PCCA: variants seen among roughly 807,000 people sequenced by gnomAD.
PCCA encodes propionyl-CoA carboxylase subunit alpha, also known as propionyl-CoA carboxylase alpha chain, mitochondrial.
Under a neutral mutation model 101.3 loss-of-function variants are expected in PCCA, and 74 were observed. The ratio of observed to expected loss-of-function variants is 0.73; its 90% CI spans 0.61 to 0.89. PCCA has a LOEUF of 0.89. Ranked by LOEUF, PCCA falls within the 40% of genes least tolerant of loss-of-function variation. The probability of loss-of-function intolerance (pLI) is 0.00; values close to 1 mark genes in which losing one functional copy is unlikely to be tolerated. For missense variants in PCCA, 891 were observed against 907.0 expected (o/e 0.98, Z 0.23); for synonymous variants, 294 against 313.6 (o/e 0.94, Z 0.66).
At chr13:100,521,603 T>C (rs1404592375) in intron 22 of PCCA, among the ~76,000 whole-genome samples, 2 of 152,240 alleles carry the variant, frequency 1.3e-5, no homozygotes, top group Non-Finnish European at 2.9e-5. Context: ...CAGCCTATCT[T>C]ACCGGCTCAG....
intron 19 of PCCA, among the ~76,000 whole-genome samples, chr13:100,416,695 T>C (rs2078390739): frequency 1.3e-5 from 2 of 151,886 alleles, no homozygotes; most frequent in African/African-American, 2.4e-5. Context: ...CAACTAATTT[T>C]TGTATTTTTA....
chr13:100,164,583 A>G (rs191574521), intron 6 of PCCA, among the ~76,000 whole-genome samples: 1,640 of 152,260 alleles, frequency 0.011, 21 homozygotes, highest in Non-Finnish European at 0.014. Flanking sequence ...AATTCATGTA[A>G]TCAACTTTCA....
At chr13:100,489,628 T>C (rs1412017792) in intron 21 of PCCA, among the ~76,000 whole-genome samples, 2 of 152,240 alleles carry the variant, frequency 1.3e-5, no homozygotes, top group Admixed American at 1.3e-4. Context: ...GTGTTGCAAA[T>C]AACATTGTTA....
intron 4 of PCCA, among the ~76,000 whole-genome samples, chr13:100,114,416 A>G (rs2048601720): frequency 6.6e-6 from 1 of 152,186 alleles, no homozygotes; most frequent in Non-Finnish European, 1.5e-5. Context: ...CAGCCTGGCT[A>G]AGATGGTGAA....
intron 12 of PCCA, among the ~76,000 whole-genome samples, chr13:100,281,170 G>A (rs2064081372): frequency 6.6e-6 from 1 of 152,162 alleles, no homozygotes; most frequent in African/African-American, 2.4e-5. Flanking sequence ...GCCATAAAGT[G>A]CTTCCTTTAA....
intron 6 of PCCA, among the ~76,000 whole-genome samples, chr13:100,172,958 A>G (rs2152417928): frequency 6.6e-6 from 1 of 152,168 alleles, no homozygotes; most frequent in South Asian, 2.1e-4. Context: ...GAGATTATAC[A>G]GCTTGTTGTG....
At chr13:100,275,739 G>A (rs1360817188) in intron 12 of PCCA, among the ~76,000 whole-genome samples, 1 of 151,486 alleles carries the variant, frequency 6.6e-6, no homozygotes, top group African/African-American at 2.4e-5. Context: ...CAAGTTTGGG[G>A]GTTATAAATA....
At chr13:100,288,725 C>T (rs2064892942) in intron 12 of PCCA, among the ~76,000 whole-genome samples, 1 of 152,188 alleles carries the variant, frequency 6.6e-6, no homozygotes, top group African/African-American at 2.4e-5. Flanking sequence ...TCCAAGACAC[C>T]TTTGCATTTC....
At chr13:100,524,998 T>C in intron 22 of PCCA, among the ~76,000 whole-genome samples, 1 of 124,356 alleles carries the variant, frequency 8.0e-6, no homozygotes, top group Non-Finnish European at 1.9e-5. Flanking sequence ...GATAGATAGA[T>C]AGATAGATAG....
chr13:100,162,122 G>T (rs1348525787), intron 6 of PCCA, among the ~76,000 whole-genome samples: 5 of 151,720 alleles, frequency 3.3e-5, no homozygotes, highest in African/African-American at 1.2e-4. Flanking sequence ...CTGTCTGTCT[G>T]CGTGTGCTAG....
intron 17 of PCCA, among the ~76,000 whole-genome samples, chr13:100,331,118 G>T (rs1409223896): frequency 6.6e-6 from 1 of 152,118 alleles, no homozygotes; most frequent in Non-Finnish European, 1.5e-5. Context: ...GGAAGATGAT[G>T]ATTTTATTCT....
intron 12 of PCCA, among the ~76,000 whole-genome samples, chr13:100,298,306 C>T (rs2065717628): frequency 6.6e-6 from 1 of 152,116 alleles, no homozygotes; most frequent in East Asian, 1.9e-4. Context: ...GCGCAAGGCC[C>T]TTCTCTAGGA....
intron 19 of PCCA, among the ~76,000 whole-genome samples, chr13:100,399,850 G>T (rs775894277): frequency 5.6e-4 from 85 of 152,262 alleles, no homozygotes; most frequent in Middle Eastern, 6.8e-3. Flanking sequence ...ACAGCTATCT[G>T]CTCTGTTGCC....
chr13:100,441,948 TTC>T (rs1244519209), intron 20 of PCCA, among the ~76,000 whole-genome samples: 1 of 152,046 alleles, frequency 6.6e-6, no homozygotes, highest in African/African-American at 2.4e-5. Context: ...GAAATTTTAT[TTC>T]TGTTTTTCTT....
intron 19 of PCCA, among the ~76,000 whole-genome samples, chr13:100,396,399 TG>T (rs1469418940): frequency 1.3e-5 from 2 of 152,234 alleles, no homozygotes; most frequent in African/African-American, 4.8e-5. Flanking sequence ...GTACAGTGGC[TG>T]ATGTAATAAG....
chr13:100,154,561 C>T (rs2053678209), intron 4 of PCCA: 2 of 276,294 alleles, frequency 7.2e-6, no homozygotes. Context: ...TCCATTCAGT[C>T]CCTCTAATTA....
chr13:100,282,541 C>T (rs2064216688), intron 12 of PCCA, among the ~76,000 whole-genome samples: 1 of 152,230 alleles, frequency 6.6e-6, no homozygotes, highest in Admixed American at 6.5e-5. Context: ...ACACTCAGAG[C>T]AGCCGGGCAA....
intron 19 of PCCA, among the ~76,000 whole-genome samples, chr13:100,412,060 G>A (rs555286705): frequency 6.6e-6 from 1 of 152,152 alleles, no homozygotes; most frequent in Non-Finnish European, 1.5e-5. Context: ...ACATTATTAG[G>A]GCTATTAGAA....
intron 21 of PCCA, among the ~76,000 whole-genome samples, chr13:100,503,530 G>A (rs1030898676): frequency 2.0e-5 from 3 of 151,974 alleles, no homozygotes; most frequent in African/African-American, 7.3e-5. Context: ...AGTTTTTTCT[G>A]TATTAAACAT....
Sources: allele counts gnomAD v4.1 joint callset (sites outside exome capture counted in the v4.1 genomes callset), GRCh38; gene constraint gnomAD v4.1.1; transcripts MANE v1.5; gene names NCBI Gene and HGNC (gene_info 2026-07-23, HGNC 2026-07-21).